UCHL1: variants seen among roughly 807,000 people sequenced by gnomAD.
The protein encoded by UCHL1 is ubiquitin carboxyl-terminal hydrolase isozyme L1.
A neutral mutation model predicts 33.3 loss-of-function variants in UCHL1; 5 were observed. The observed-to-expected ratio is 0.15, with a 90% CI of 0.08 to 0.32. The LOEUF (loss-of-function observed/expected upper bound fraction) is 0.32. UCHL1 is among the 10% of genes least tolerant of loss of function. UCHL1 has a pLI of 1.00. For synonymous variants in UCHL1, 132 were observed against 108.8 expected (o/e 1.21, Z -1.33); for missense variants, 236 against 280.0 (o/e 0.84, Z 1.12).
At chr4:41,258,179 G>A (rs1452169485) in intron 3 of UCHL1, among the ~76,000 whole-genome samples, 1 of 152,176 alleles carries the variant, frequency 6.6e-6, no homozygotes, top group Non-Finnish European at 1.5e-5. Context: ...AAATCGCAGG[G>A]AAACAATTAG....
chr4:41,260,678 A>T lies in UCHL1; in HGVS notation c.206A>T (p.Glu69Val). ...AACTTCAGGAAAAAGCAGATTGAAG[A>T]GCTGAAGGGACAAGAAGTTAGTCCT... ...HENFRKKQIE[E>V]LKGQEVSPKV... The change falls in exon 4 of 9, where the codon GAG becomes GTG. Residue 69 changes from glutamate to valine, a missense_variant. Glu to Val is a moderately radical substitution (Grantham distance 121, BLOSUM62 -2). Coordinates refer to ENST00000284440, the MANE Select transcript of UCHL1 (RefSeq NM_004181.5). 1 of 1,614,266 alleles carries T rather than the reference A, an allele frequency of 6.2e-7. No homozygotes were observed. The highest frequency in any genetic ancestry group is 8.5e-7 in the Non-Finnish European group (1 of 1,180,046).
chr4:41,264,289 G>C, intron 8 of UCHL1, 128 bp downstream of exon 8: 1 of 1,187,728 alleles, frequency 8.4e-7, no homozygotes, highest in Non-Finnish European at 1.2e-6. Context: ...AGTCTTTAGG[G>C]CTGCAAGATC....
At chr4:41,258,007 A>C (rs917231934) in intron 3 of UCHL1, among the ~76,000 whole-genome samples, 1 of 152,222 alleles carries the variant, frequency 6.6e-6, no homozygotes, top group African/African-American at 2.4e-5. Context: ...ATCCAGGGAA[A>C]TCATTCATCC....
intron 6 of UCHL1, 57 bp downstream of exon 6, chr4:41,261,980 G>A: frequency 1.2e-6 from 2 of 1,600,192 alleles, no homozygotes; most frequent in Non-Finnish European, 1.7e-6. Context: ...TGTTTCTACT[G>A]AAATTGTGCA....
chr4:41,263,099 C>CT (rs1391488918), intron 6 of UCHL1, 126 bp from the exon 7 acceptor site: 13 of 755,144 alleles, frequency 1.7e-5, no homozygotes, highest in Non-Finnish European at 3.0e-5. Context: ...TAATGTAAGA[C>CT]ATACATTAAA....
Position 41,256,933 on chromosome 4 carries a change from T to A in UCHL1, c.-44T>A. 1 of 1,613,872 alleles carries A rather than the reference T, an allele frequency of 6.2e-7. No homozygotes were observed. The highest frequency in any genetic ancestry group is 8.5e-7 in the Non-Finnish European group (1 of 1,179,958). On this transcript the variant is annotated 5_prime_UTR_variant, in exon 1 of 9. Transcript: ENST00000284440. ...GCAGCCTGGGCGGCTCCGCTAGCTG[T>A]TTTTCGTCTTCCCTAGGCTATTTCT...
chr4:41,261,908 G>A lies in UCHL1; in HGVS notation c.444G>A (p.Gln148=), dbSNP rs147393026. 4.3e-5 allele frequency: 69 copies of A among 1,614,166 alleles called. No homozygotes were observed. In the African/African-American group the frequency reaches 8.7e-4, roughly 20 times the overall value. ...AGGCAGCCCATGATGCCGTGGCACA[G>A]GAAGGCCAATGTCGGGTAAATGCAA... The part of the protein sequence containing the change: ...AIQAAHDAVA[Q]EGQCRVDDKV... The change falls in exon 6 of 9, where the codon CAG becomes CAA. Residue 148 remains glutamine (Q), a synonymous_variant. Transcript: ENST00000284440.
chr4:41,257,208 A>C lies in UCHL1; in HGVS notation c.45+82A>C. 3.7e-6 allele frequency: 6 copies of C among 1,605,984 alleles called. 1 individual carries two copies. The South Asian group carries it at 6.6e-5, about 18-fold the overall frequency. On this transcript the variant is annotated intron_variant, in intron 2 of 8. Coordinates refer to ENST00000284440, the MANE Select transcript of UCHL1 (RefSeq NM_004181.5). ...GCGCCCACCGGTTCCGGCTGCTGGC[A>C]GGGACCAAGCCGCCCGCTGCGAGCA... is the stretch of plus-strand genomic sequence containing the variant.
chr4:41,257,706 C>T lies in UCHL1; in HGVS notation c.143C>T (p.Ala48Val). The T allele has an allele frequency of 1.3e-6, 2 of 1,580,818 alleles. No individual in the cohort carries two copies. Among genetic ancestry groups the T allele is most frequent in the Non-Finnish European group, 1.7e-6 (2 of 1,166,960 alleles). Residue 48 changes from alanine (A) to valine (V), a missense_variant, in exon 3 of 9, where the codon GCG becomes GTG. By Grantham distance (64) the Ala-to-Val change is moderately conservative (BLOSUM62 0). Coordinates refer to ENST00000284440, the MANE Select transcript of UCHL1 (RefSeq NM_004181.5). ...GGCTCGGTGCCAGCGCCTGCCTGCG[C>T]GCTGCTGCTGCTGTTTCCCCTCACG... Reference protein sequence around the residue: ...SLGSVPAPACALLLLFPLTAQ... With the variant: ...SLGSVPAPACVLLLLFPLTAQ...
intron 6 of UCHL1, 64 bp from the exon 7 acceptor site, chr4:41,263,161 A>AT (rs1483667141): frequency 2.3e-6 from 3 of 1,286,904 alleles, no homozygotes; most frequent in Non-Finnish European, 3.4e-6. Context: ...TTTCACTTGA[A>AT]TTGCAAGATA....
chr4:41,265,359 C>G (rs1781134999), intron 8 of UCHL1, among the ~76,000 whole-genome samples: 1 of 152,200 alleles, frequency 6.6e-6, no homozygotes, highest in South Asian at 2.1e-4. Context: ...GGGAGGATTG[C>G]TTGAGCTCAG....
At chr4:41,265,925 G>T (rs751735866) in intron 8 of UCHL1, among the ~76,000 whole-genome samples, 1 of 152,146 alleles carries the variant, frequency 6.6e-6, no homozygotes, top group Non-Finnish European at 1.5e-5. Flanking sequence ...CAGAATTTCT[G>T]GTCTTTGATC....
At chr4:41,266,663 C>A (rs980629919) in intron 8 of UCHL1, among the ~76,000 whole-genome samples, 9 of 152,158 alleles carry the variant, frequency 5.9e-5, no homozygotes, top group African/African-American at 1.9e-4. Context: ...CTGTGTCATT[C>A]AGGCTGGAGT....
At position 41,257,772 on chromosome 4, in the gene UCHL1, G is replaced by T. The variant is rs763818311; in HGVS notation, c.174+35G>T. ...GGGGCCCAGGATGCGCCGGCCGCCG[G>T]CAGTGCACGCCGCTCCCCAGCTTGA... On this transcript the variant is annotated intron_variant, in intron 3 of 8. Coordinates refer to ENST00000284440, the MANE Select transcript of UCHL1 (RefSeq NM_004181.5). 20 of 1,544,586 alleles carry T rather than the reference G, an allele frequency of 1.3e-5. No individual in the cohort carries two copies. In the South Asian group the frequency reaches 1.9e-4, roughly 15 times the overall value.
chr4:41,260,559 GT>G, intron 3 of UCHL1, 87 bp from the exon 4 acceptor site: 1 of 1,506,640 alleles, frequency 6.6e-7, no homozygotes, highest in African/African-American at 1.4e-5. Flanking sequence ...TCCCACTGGT[GT>G]TTCCATTTAG....
At chr4:41,265,970 A>G (rs970920758) in intron 8 of UCHL1, among the ~76,000 whole-genome samples, 2 of 152,218 alleles carry the variant, frequency 1.3e-5, no homozygotes, top group African/African-American at 4.8e-5. Flanking sequence ...CCTTCCTAGT[A>G]AAGCTTTTAA....
chr4:41,261,590 C>A, intron 4 of UCHL1, 125 bp from the exon 5 acceptor site: 1 of 1,025,040 alleles, frequency 9.8e-7, no homozygotes, highest in Non-Finnish European at 1.5e-6. Flanking sequence ...AGCTCATCCA[C>A]AACCCTGGAG....
In UCHL1 at chr4:41,263,140, G is replaced by GT. The variant is rs923245944; in HGVS notation, c.460-83dup. The GT allele has an allele frequency of 2.8e-6, 3 of 1,066,568 alleles. No homozygotes were observed. In the Admixed American group the frequency reaches 5.2e-5, roughly 18 times the overall value. The allele number at this position is 1,066,568 out of a possible 1,614,324, so 66.1% of individuals were successfully genotyped here. A position where few individuals can be genotyped will look rare whatever the true frequency, so the allele number is the denominator to read the frequency against. Reference sequence around the variant, plus strand: ...GCTATAATTTCTAAAAATCAAGTCAGTTCAAGCACATTTCACTTGAATTGC... The same window carrying GT: ...GCTATAATTTCTAAAAATCAAGTCAGTTTCAAGCACATTTCACTTGAATTGC... On this transcript the variant is annotated intron_variant, in intron 6 of 8. Transcript: ENST00000284440.
chr4:41,261,580 A>G (rs974062789), intron 4 of UCHL1, 135 bp from the exon 5 acceptor site: 2 of 908,340 alleles, frequency 2.2e-6, no homozygotes, highest in Admixed American at 4.3e-5. Context: ...GAAAAGGTAC[A>G]GCTCATCCAC....
Sources: gnomAD v4.1 joint callset for allele counts (sites outside exome capture counted in the v4.1 genomes callset) on GRCh38, gnomAD v4.1.1 for gene constraint, MANE v1.5 for transcripts, NCBI Gene and HGNC (gene_info 2026-07-23, HGNC 2026-07-21) for gene names.